SEPTIN11: variants seen among roughly 807,000 people sequenced by gnomAD.
The protein encoded by SEPTIN11 is septin-11.
Under a neutral mutation model 51.4 loss-of-function variants are expected in SEPTIN11, and 25 were observed. The ratio of observed to expected loss-of-function variants is 0.49; its 90% confidence interval spans 0.35 to 0.68. The LOEUF is 0.68. Ranked by LOEUF, SEPTIN11 falls within the 30% of genes least tolerant of loss-of-function variation. SEPTIN11 has a pLI of 0.00. For missense variants in SEPTIN11, 381 were observed against 520.8 expected, an observed-to-expected ratio of 0.73 and a Z score of 2.61; for synonymous variants, 174 against 184.1, an observed-to-expected ratio of 0.95 and a Z score of 0.44.
chr4:77,025,999 G>T (rs923787794), intron 7 of SEPTIN11, among the ~76,000 whole-genome samples: 1 of 152,098 alleles, frequency 6.6e-6, no homozygotes, highest in African/African-American at 2.4e-5. Context: ...TGGACTGCAG[G>T]TTTCACTATA....
chr4:76,957,518 C>T (rs1201312682), intron 1 of SEPTIN11, among the ~76,000 whole-genome samples: 1 of 152,176 alleles, frequency 6.6e-6, no homozygotes, highest in African/African-American at 2.4e-5. Flanking sequence ...ACAGATTAAG[C>T]CAGTTAGTAC....
chr4:76,986,432 A>G (rs1723031748), intron 1 of SEPTIN11, among the ~76,000 whole-genome samples: 1 of 152,112 alleles, frequency 6.6e-6, no homozygotes, highest in South Asian at 2.1e-4. Flanking sequence ...ATGGTTGGCT[A>G]TTAAAGTCAT....
chr4:76,974,634 G>A (rs1051404893), intron 1 of SEPTIN11: 24 of 404,820 alleles, frequency 5.9e-5, no homozygotes, highest in African/African-American at 4.3e-4. Context: ...TTCTTCAGTC[G>A]TTTCACACTG....
intron 1 of SEPTIN11, among the ~76,000 whole-genome samples, chr4:76,986,436 A>C (rs963193389): frequency 6.6e-5 from 10 of 152,150 alleles, no homozygotes; most frequent in African/African-American, 2.4e-4. Context: ...TTGGCTATTA[A>C]AGTCATGGGC....
chr4:77,005,073 T>G (rs1394929993), intron 2 of SEPTIN11, among the ~76,000 whole-genome samples: 1 of 152,238 alleles, frequency 6.6e-6, no homozygotes, highest in Non-Finnish European at 1.5e-5. Flanking sequence ...TGTTAGTGAT[T>G]ATTGTCATCA....
chr4:76,955,928 G>A (rs1270812267), intron 1 of SEPTIN11, among the ~76,000 whole-genome samples: 1 of 152,126 alleles, frequency 6.6e-6, no homozygotes, highest in South Asian at 2.1e-4. Context: ...GTGGGGCTGG[G>A]GGGGAAGATG....
intron 1 of SEPTIN11, among the ~76,000 whole-genome samples, chr4:76,956,709 G>T (rs1721570263): frequency 1.3e-5 from 2 of 152,078 alleles, no homozygotes; most frequent in South Asian, 2.1e-4. Context: ...CAAAGTAAAT[G>T]GTCATTCCTA....
chr4:77,005,224 C>A (rs1724397598), intron 2 of SEPTIN11, among the ~76,000 whole-genome samples: 2 of 152,256 alleles, frequency 1.3e-5, no homozygotes, highest in Admixed American at 1.3e-4. Flanking sequence ...AGTCTTTTAT[C>A]CCTTAAGTAA....
At chr4:76,964,301 T>A (rs1202560973) in intron 1 of SEPTIN11, among the ~76,000 whole-genome samples, 4 of 21,238 alleles carry the variant, frequency 1.9e-4, no homozygotes, top group African/African-American at 8.7e-4. Flanking sequence ...GCCAATCATT[T>A]TTTTTTTTTT....
intron 8 of SEPTIN11, among the ~76,000 whole-genome samples, chr4:77,030,496 C>G (rs185269520): frequency 1.3e-5 from 2 of 152,106 alleles, no homozygotes; most frequent in Non-Finnish European, 2.9e-5. Flanking sequence ...CTCCCAGGTT[C>G]AAGCAATTCT....
At chr4:77,014,148 G>A (rs757735987) in intron 4 of SEPTIN11, among the ~76,000 whole-genome samples, 3 of 152,146 alleles carry the variant, frequency 2.0e-5, no homozygotes, top group African/African-American at 4.8e-5. Context: ...TTTGGCGCTC[G>A]ATTTTATTCT....
chr4:76,952,196 C>T (rs1278138942), intron 1 of SEPTIN11, among the ~76,000 whole-genome samples: 1 of 150,864 alleles, frequency 6.6e-6, no homozygotes, highest in African/African-American at 2.4e-5. Context: ...TGAGACACAG[C>T]TCCATGGAAT....
chr4:76,963,859 T>C (rs1013541849), intron 1 of SEPTIN11, among the ~76,000 whole-genome samples: 7 of 152,288 alleles, frequency 4.6e-5, no homozygotes, highest in African/African-American at 1.7e-4. Context: ...AGCATGCAGG[T>C]TTGTTACATA....
In SEPTIN11 at chr4:77,016,615, C is replaced by CACATATATATATACACATATATAT. The variant is rs1553975015; in HGVS notation, c.687+1599_687+1600insCATATATATATACACATATATATA. 3.8e-5 allele frequency among the ~76,000 whole-genome samples: 3 copies of CACATATATATATACACATATATAT among 79,190 alleles called. No individual in the cohort carries two copies. The Admixed American group carries it at 4.4e-4, about 12-fold the overall frequency. 52.0% of individuals were successfully genotyped at this position (79,190 alleles called of 152,430 possible). A position where few individuals can be genotyped will look rare whatever the true frequency, so the allele number is the denominator to read the frequency against. On this transcript the variant is annotated intron_variant, in intron 5 of 9. Transcript: ENST00000264893. ...ATACACACACATATATATATATACA[C>CACATATATATATACACATATATAT]ATATATATATATATACACATATATA...
intron 6 of SEPTIN11, among the ~76,000 whole-genome samples, chr4:77,020,039 G>A (rs1305174924): frequency 1.3e-5 from 2 of 152,188 alleles, no homozygotes; most frequent in African/African-American, 4.8e-5. Context: ...AAATGAAGTG[G>A]TATGTAAAAG....
intron 9 of SEPTIN11, chr4:77,031,651 G>A (rs1726644458): frequency 6.6e-6 from 1 of 152,212 alleles, no homozygotes; most frequent in Non-Finnish European, 1.5e-5. Flanking sequence ...CCTGAAACCA[G>A]TGGGAGATTT....
chr4:77,036,863 G>A lies in SEPTIN11; in HGVS notation c.*2351G>A. The A allele has an allele frequency of 7.0e-7, 1 of 1,435,248 alleles. No individual in the cohort carries two copies. Among genetic ancestry groups the A allele is most frequent in the African/African-American group, 1.5e-5 (1 of 67,560 alleles). 88.9% of individuals were successfully genotyped at this position (1,435,248 alleles called of 1,614,324 possible). A position where few individuals can be genotyped will look rare whatever the true frequency, so the allele number is the denominator to read the frequency against. Reference sequence around the variant, plus strand: ...GTAAGTACGGTAGTAAGAAACCTTTGAGATCTTTCTGACTTTTCAAAATTA... The same window carrying A: ...GTAAGTACGGTAGTAAGAAACCTTTAAGATCTTTCTGACTTTTCAAAATTA... On this transcript the variant is annotated 3_prime_UTR_variant, in exon 10 of 10. Coordinates refer to ENST00000264893, the MANE Select transcript of SEPTIN11 (RefSeq NM_018243.4).
At chr4:77,027,960 T>TA (rs11432456) in intron 7 of SEPTIN11, among the ~76,000 whole-genome samples, 29,541 of 152,098 alleles carry the variant, frequency 0.19, 3,891 homozygotes, top group African/African-American at 0.37. Context: ...ACTGGTAATA[T>TA]ACTTGAAAAG....
intron 1 of SEPTIN11, among the ~76,000 whole-genome samples, chr4:76,968,167 G>A (rs141530346): frequency 9.2e-5 from 14 of 152,208 alleles, no homozygotes; most frequent in African/African-American, 2.4e-4. Context: ...TTATGAATTC[G>A]GCAGTGGGAC....
Sources: allele counts gnomAD v4.1 joint callset (sites outside exome capture counted in the v4.1 genomes callset), GRCh38; gene constraint gnomAD v4.1.1; transcripts MANE v1.5; gene names NCBI Gene and HGNC (gene_info 2026-07-23, HGNC 2026-07-21).